MPND: variants seen among roughly 807,000 people sequenced by gnomAD.
MPND encodes MPN domain-containing protein.
In MPND, 56 loss-of-function variants were observed where a neutral mutation model predicts 59.2. The observed-to-expected ratio is 0.95, with a 90% CI of 0.76 to 1.18. MPND has a LOEUF of 1.18. Among genes scored for constraint, MPND ranks in the 50% most tolerant of loss-of-function variants. The pLI, the probability that MPND is intolerant of heterozygous loss-of-function variation, is 0.00. For missense variants in MPND, 671 were observed against 676.0 expected, an observed-to-expected ratio of 0.99 and a Z score of 0.08; for synonymous variants, 323 against 291.9, an observed-to-expected ratio of 1.11 and a Z score of -1.09.
At position 4,353,548 on chromosome 19, in the gene MPND, G is replaced by C. The variant is rs186688678; in HGVS notation, c.665-497G>C. On this transcript the variant is annotated intron_variant, in intron 4 of 12. Coordinates refer to ENST00000599840, the MANE Select transcript of MPND (RefSeq NM_001300862.2). ...CTCCCAAAGTGTTGGGATTACAGGC[G>C]TGAGCCACTGTACCTGTTTTTTTGT... 1.7e-3 allele frequency among the ~76,000 whole-genome samples: 245 copies of C among 142,352 alleles called. 1 individual carries two copies. The highest frequency in any genetic ancestry group is 5.9e-3 in the African/African-American group (226 of 38,420). The allele number at this position is 142,352 out of a possible 152,430, so 93.4% of individuals were successfully genotyped here.
chr19:4,359,852 C>A, intron 12 of MPND, 64 bp from the exon 13 acceptor site: 1 of 1,343,826 alleles, frequency 7.4e-7, no homozygotes. Context: ...GCACGGTGGA[C>A]TGTGAGGCGC....
intron 8 of MPND, 35 bp downstream of exon 8, chr19:4,355,208 G>T (rs751132283): frequency 1.2e-6 from 2 of 1,604,478 alleles, no homozygotes; most frequent in African/African-American, 1.3e-5. Context: ...ATTCTGGGGA[G>T]GGTTGGGAAG....
intron 3 of MPND, among the ~76,000 whole-genome samples, chr19:4,349,754 G>A (rs1023224760): frequency 7.2e-5 from 11 of 152,148 alleles, no homozygotes; most frequent in South Asian, 2.1e-4. Flanking sequence ...CAGGTGATCC[G>A]CCCACCTCTG....
chr19:4,345,859 C>T lies in MPND; in HGVS notation c.409C>T (p.Pro137Ser). ...CACCCACTGCAAGAAGCTGGTGAACCCTGCCAAGAAGTCGGGCTGTGGCTG... is the reference window on the plus strand; with the variant it reads ...CACCCACTGCAAGAAGCTGGTGAACTCTGCCAAGAAGTCGGGCTGTGGCTG... ...WATHCKKLVNPAKKSGCGWAS... is the reference protein window; with the variant it reads ...WATHCKKLVNSAKKSGCGWAS... The change falls in exon 3 of 13, where the codon CCT (proline) becomes TCT (serine). Residue 137 changes from proline to serine, a missense_variant. Pro to Ser is a moderately conservative substitution (Grantham distance 74). Transcript: ENST00000599840. 1.2e-6 allele frequency: 2 copies of T among 1,614,104 alleles called. No homozygotes were observed. The highest frequency in any genetic ancestry group is 1.7e-6 in the Non-Finnish European group (2 of 1,180,022).
chr19:4,354,003 C>A, intron 4 of MPND, 42 bp from the exon 5 acceptor site: 1 of 1,574,784 alleles, frequency 6.4e-7, no homozygotes, highest in Non-Finnish European at 8.7e-7. Flanking sequence ...TTTGTTCTAA[C>A]TTGGGCTGGG....
chr19:4,349,251 T>C (rs1352320975), intron 3 of MPND, among the ~76,000 whole-genome samples: 3 of 151,996 alleles, frequency 2.0e-5, no homozygotes, highest in Non-Finnish European at 2.9e-5. Flanking sequence ...TATTTTTGCA[T>C]GTTTATTAGA....
In MPND at chr19:4,354,863, C is replaced by T. The variant is rs549429449; in HGVS notation, c.847-86C>T. The T allele has an allele frequency of 1.3e-4, 175 of 1,376,708 alleles. No homozygotes were observed. The African/African-American group carries it at 2.3e-3, about 18-fold the overall frequency. 85.3% of individuals were successfully genotyped at this position (1,376,708 alleles called of 1,614,324 possible). A position where few individuals can be genotyped will look rare whatever the true frequency, so the allele number is the denominator to read the frequency against. On this transcript the variant is annotated intron_variant, in intron 6 of 12. Coordinates refer to ENST00000599840, the MANE Select transcript of MPND (RefSeq NM_001300862.2). Reference sequence around the variant, plus strand: ...TGGGCGACAGAGCAAGACTGAGTCTCAAAGAGAATGAGGGCACAGGCTGGC... The same window carrying T: ...TGGGCGACAGAGCAAGACTGAGTCTTAAAGAGAATGAGGGCACAGGCTGGC...
chr19:4,352,000 T>G (rs1286856789), intron 3 of MPND, among the ~76,000 whole-genome samples: 12 of 148,200 alleles, frequency 8.1e-5, no homozygotes. Context: ...TGGCAAAACC[T>G]CATCTATACT....
chr19:4,343,583 G>A lies in MPND; in HGVS notation c.-11G>A. 8.2e-7 allele frequency: 1 copy of A among 1,221,280 alleles called. No individual in the cohort carries two copies. The allele number at this position is 1,221,280 out of a possible 1,614,324, so 75.7% of individuals were successfully genotyped here. ...CGGAGTCTAGAGCTCCGGGCGCGGG[G>A]AGGCGCGGCCATGGCAGGTACGGCG... On this transcript the variant is annotated 5_prime_UTR_variant, in exon 1 of 13. Coordinates refer to ENST00000599840, the MANE Select transcript of MPND (RefSeq NM_001300862.2).
Position 4,359,195 on chromosome 19 carries a change from T to C in MPND, c.1359T>C (p.Pro453=), listed in dbSNP as rs1294018904. The C allele has an allele frequency of 1.9e-6, 3 of 1,613,336 alleles. No individual in the cohort carries two copies. The highest frequency in any genetic ancestry group is 1.7e-5 in the Admixed American group (1 of 59,998). ...MLLVEFYKGS[P]DLVRLQEPWS... The stretch of plus-strand genomic sequence containing the variant: ...TGGTGGAGTTCTACAAGGGTTCCCC[T>C]GACCTCGTGAGGCTCCAGGAACCCT... The change falls in exon 12 of 13, where the codon CCT becomes CCC. Residue 453 remains proline, a synonymous_variant. Transcript: ENST00000599840.
chr19:4,354,301 TGCGACCCTCCTG>T lies in MPND; in HGVS notation c.750-20_750-9del, dbSNP rs1413931032. On this transcript the variant is annotated splice_polypyrimidine_tract_variant and intron_variant, in intron 5 of 12. Transcript: ENST00000599840. ...AAGAGCCTGGGGATTCCTGAGACTG[TGCGACCCTCCTG>T]GCCCCTACAGGAACCCCCACACCCT... 43 of 1,548,560 alleles carry T rather than the reference TGCGACCCTCCTG, an allele frequency of 2.8e-5. No individual in the cohort carries two copies. Among genetic ancestry groups the T allele is most frequent in the Non-Finnish European group, 3.4e-5 (39 of 1,143,696 alleles).
intron 10 of MPND, chr19:4,357,858 G>A (rs1189267580): frequency 6.6e-6 from 4 of 606,630 alleles, no homozygotes; most frequent in Admixed American, 2.9e-5. Flanking sequence ...GAAGTCAGAG[G>A]TCAGCCCTGG....
intron 2 of MPND, among the ~76,000 whole-genome samples, chr19:4,345,491 C>G (rs755567875): frequency 3.3e-5 from 5 of 152,192 alleles, no homozygotes; most frequent in Non-Finnish European, 7.3e-5. Context: ...CAGACAGACC[C>G]TATCCCCGAT....
At chr19:4,353,157 G>C in intron 4 of MPND, 128 bp downstream of exon 4, 1 of 747,582 alleles carries the variant, frequency 1.3e-6, no homozygotes, top group South Asian at 6.7e-5. Context: ...GAGTCAGCTG[G>C]GCCCTAAGTC....
At chr19:4,350,581 T>G (rs1972294340) in intron 3 of MPND, among the ~76,000 whole-genome samples, 1 of 152,072 alleles carries the variant, frequency 6.6e-6, no homozygotes, top group Non-Finnish European at 1.5e-5. Context: ...TTTTTGGAAG[T>G]GTATCCGCCA....
At position 4,350,975 on chromosome 19, in the gene MPND, G is replaced by C. The variant is rs116344921; in HGVS notation, c.532-1922G>C. ...GATCCGGGGGTTGTGTGAGGACCGT[G>C]TCCTGGTAGGTAGGAGGCTGTGCTG... is the stretch of plus-strand genomic sequence containing the variant. On this transcript the variant is annotated intron_variant, in intron 3 of 12. Transcript: ENST00000599840. Among the ~76,000 whole-genome samples, 312 of 152,230 alleles carry C rather than the reference G, an allele frequency of 2.0e-3. 1 individual carries two copies. Among genetic ancestry groups the C allele is most frequent in the African/African-American group, 6.9e-3 (286 of 41,536 alleles).
At chr19:4,345,056 T>TG (rs1972155325) in intron 2 of MPND, among the ~76,000 whole-genome samples, 1 of 136,994 alleles carries the variant, frequency 7.3e-6, no homozygotes, top group African/African-American at 2.8e-5. Context: ...TTTTTTTTTT[T>TG]TTTTTTTTTG....
chr19:4,345,017 AGGCGT>A (rs1353091769), intron 2 of MPND, among the ~76,000 whole-genome samples: 1 of 120,810 alleles, frequency 8.3e-6, no homozygotes, highest in Non-Finnish European at 1.6e-5. Flanking sequence ...CTGGGATTAT[AGGCGT>A]GAGCCACCAT....
At position 4,358,154 on chromosome 19, in the gene MPND, T is replaced by C. The variant is rs1206040027; in HGVS notation, c.1308T>C (p.Asn436=). The change falls in exon 11 of 13, where the codon AAT becomes AAC. Residue 436 remains asparagine, a synonymous_variant. Coordinates refer to ENST00000599840, the MANE Select transcript of MPND (RefSeq NM_001300862.2). ...ACGTCCAGGACAGCTTCCTGACCAA[T>C]GACATCCTTCACGAGATGGTGAGCT... ...MAYVQDSFLT[N]DILHEMMLLV... is the part of the protein sequence containing the mutation. 6.4e-7 allele frequency: 1 copy of C among 1,551,366 alleles called. No individual in the cohort carries two copies. Among genetic ancestry groups the C allele is most frequent in the Non-Finnish European group, 8.7e-7 (1 of 1,146,932 alleles).
Sources: gnomAD v4.1 joint callset for allele counts (sites outside exome capture counted in the v4.1 genomes callset) on GRCh38, gnomAD v4.1.1 for gene constraint, MANE v1.5 for transcripts, NCBI Gene and HGNC (gene_info 2026-07-23, HGNC 2026-07-21) for gene names.